Variants in MAF observed in about 807,000 individuals in gnomAD.
MAF encodes the protein MAF bZIP transcription factor, also known as transcription factor Maf.
Under a neutral mutation model 22.0 loss-of-function variants are expected in MAF, and 10 were observed. The observed-to-expected ratio is 0.45, with a 90% CI of 0.28 to 0.77. MAF has a LOEUF of 0.77. MAF is among the 30% of genes least tolerant of loss of function. The probability of loss-of-function intolerance (pLI) is 0.12; values close to 1 mark genes in which losing one functional copy is unlikely to be tolerated. For synonymous variants in MAF, 337 were observed against 255.8 expected (o/e 1.32, Z -3.03); for missense variants, 544 against 548.4 (o/e 0.99, Z 0.08).
At chr16:79,581,635 C>T (rs187716478), downstream of MAF, among the ~76,000 whole-genome samples, 89 of 152,040 alleles carry the variant, frequency 5.9e-4, no homozygotes, top group Non-Finnish European at 1.0e-3. Context: ...TTTCAATAGA[C>T]TGAGAGGACT....
At chr16:79,522,396 C>A in the MAF span, among the ~76,000 whole-genome samples, 1 of 152,168 alleles carries the variant, frequency 6.6e-6, no homozygotes, top group Non-Finnish European at 1.5e-5. Flanking sequence ...CGCCCCACCA[C>A]CCCCAACAGA....
chr16:79,334,135 G>C, the MAF span, among the ~76,000 whole-genome samples: 2 of 152,208 alleles, frequency 1.3e-5, no homozygotes, highest in East Asian at 3.8e-4. Context: ...GTTCACCAAA[G>C]ACACATTCAA....
the MAF span, among the ~76,000 whole-genome samples, chr16:79,434,592 G>C: frequency 6.6e-6 from 1 of 151,396 alleles, no homozygotes; most frequent in African/African-American, 2.4e-5. Context: ...AGATTATGTT[G>C]TTAAAAGTAT....
the MAF span, among the ~76,000 whole-genome samples, chr16:79,339,479 T>C: frequency 2.0e-5 from 3 of 152,136 alleles, no homozygotes; most frequent in African/African-American, 7.2e-5. Context: ...GAAGCCTGGG[T>C]CCCTGAATCA....
the MAF span, among the ~76,000 whole-genome samples, chr16:79,255,972 C>CTTTT: frequency 7.7e-6 from 1 of 129,892 alleles, no homozygotes; most frequent in Non-Finnish European, 1.6e-5. Context: ...TTTCTTTTTT[C>CTTTT]TTTTCTTTTC....
At chr16:79,292,136 T>C in the MAF span, among the ~76,000 whole-genome samples, 2 of 152,096 alleles carry the variant, frequency 1.3e-5, no homozygotes, top group Non-Finnish European at 2.9e-5. Flanking sequence ...GTGGGTTGAA[T>C]CGCATCTCTA....
the MAF span, among the ~76,000 whole-genome samples, chr16:79,210,680 A>G: frequency 3.3e-5 from 5 of 152,166 alleles, no homozygotes; most frequent in Admixed American, 2.0e-4. Flanking sequence ...CGTGCCGACC[A>G]TGTCTCCCTC....
chr16:79,509,414 C>T, the MAF span, among the ~76,000 whole-genome samples: 21 of 152,364 alleles, frequency 1.4e-4, no homozygotes, highest in South Asian at 3.5e-3. Flanking sequence ...TCTCTTCCCT[C>T]TCTGCCGTCA....
At chr16:79,216,306 AAC>A in the MAF span, among the ~76,000 whole-genome samples, 3,029 of 152,358 alleles carry the variant, frequency 0.02, 25 homozygotes, top group East Asian at 0.039. Flanking sequence ...ATAGATGTAT[AAC>A]ACATATATGT....
chr16:79,362,194 A>G, the MAF span, among the ~76,000 whole-genome samples: 1 of 152,206 alleles, frequency 6.6e-6, no homozygotes, highest in Non-Finnish European at 1.5e-5. Context: ...AATCCAAGGT[A>G]AGTATGTAGA....
chr16:79,367,828 C>A, the MAF span, among the ~76,000 whole-genome samples: 1 of 152,204 alleles, frequency 6.6e-6, no homozygotes, highest in Admixed American at 6.5e-5. Context: ...CCTGACACTT[C>A]CATATTTCTT....
At chr16:79,540,955 G>A in the MAF span, among the ~76,000 whole-genome samples, 7 of 152,012 alleles carry the variant, frequency 4.6e-5, no homozygotes, top group East Asian at 1.2e-3. Context: ...TGCTATTACC[G>A]CTAGTACTAT....
chr16:79,527,238 G>A, the MAF span, among the ~76,000 whole-genome samples: 1 of 152,160 alleles, frequency 6.6e-6, no homozygotes, highest in Non-Finnish European at 1.5e-5. Context: ...CAAAATATCA[G>A]TGCTGCCTGT....
the MAF span, among the ~76,000 whole-genome samples, chr16:79,476,633 C>T: frequency 6.6e-6 from 1 of 152,144 alleles, no homozygotes; most frequent in East Asian, 1.9e-4. Context: ...GGAGGATTCA[C>T]TCCTAAGAAA....
chr16:79,231,128 G>A, the MAF span, among the ~76,000 whole-genome samples: 1 of 152,006 alleles, frequency 6.6e-6, no homozygotes, highest in Non-Finnish European at 1.5e-5. Context: ...GGGATAGCAG[G>A]GACAGCCACG....
the MAF span, among the ~76,000 whole-genome samples, chr16:79,529,754 A>G: frequency 1.3e-5 from 2 of 152,184 alleles, no homozygotes; most frequent in Non-Finnish European, 2.9e-5. Context: ...TCAGGTCAGG[A>G]GCTCAAAACC....
At chr16:79,291,259 A>G in the MAF span, among the ~76,000 whole-genome samples, 14 of 152,108 alleles carry the variant, frequency 9.2e-5, no homozygotes, top group African/African-American at 3.1e-4. Flanking sequence ...GGCTTCCCCA[A>G]ATCCCTTGCC....
the MAF span, among the ~76,000 whole-genome samples, chr16:79,265,196 A>G: frequency 6.6e-6 from 1 of 152,234 alleles, no homozygotes; most frequent in African/African-American, 2.4e-5. Flanking sequence ...GGTCAGTTGA[A>G]TAAGGATGTA....
the MAF span, among the ~76,000 whole-genome samples, chr16:79,343,619 G>T: frequency 6.6e-6 from 1 of 152,190 alleles, no homozygotes; most frequent in South Asian, 2.1e-4. Flanking sequence ...TGCCTAAAGT[G>T]ATTGTCGTGA....
Sources: allele counts gnomAD v4.1 joint callset (sites outside exome capture counted in the v4.1 genomes callset), GRCh38; gene constraint gnomAD v4.1.1; transcripts MANE v1.5; gene names NCBI Gene and HGNC (gene_info 2026-07-23, HGNC 2026-07-21).